The following CSTPP1 variants were observed in gnomAD, a reference collection of about 807,000 sequenced individuals.
The protein encoded by CSTPP1 is centriolar satellite-associated tubulin polyglutamylase complex regulator 1.
the CSTPP1 span, among the ~76,000 whole-genome samples, chr11:47,122,914 C>A: frequency 2.0e-4 from 31 of 152,198 alleles, no homozygotes; most frequent in Admixed American, 2.0e-3. Context: ...TGCAAGAAAG[C>A]ACATATCATC....
chr11:47,128,290 C>G, the CSTPP1 span, among the ~76,000 whole-genome samples: 1 of 152,172 alleles, frequency 6.6e-6, no homozygotes, highest in Admixed American at 6.5e-5. Flanking sequence ...CTTTCCTCGA[C>G]TTCTCGTCTG....
chr11:47,089,489 A>G, the CSTPP1 span, among the ~76,000 whole-genome samples: 2 of 152,212 alleles, frequency 1.3e-5, no homozygotes, highest in South Asian at 2.1e-4. Flanking sequence ...GTCACACCTT[A>G]AACTTGTTAA....
chr11:47,083,173 T>C, the CSTPP1 span, among the ~76,000 whole-genome samples: 2 of 152,200 alleles, frequency 1.3e-5, no homozygotes, highest in Non-Finnish European at 2.9e-5. Flanking sequence ...CTGAGGATAA[T>C]GGCTTCCAGC....
chr11:46,999,354 G>A, the CSTPP1 span, among the ~76,000 whole-genome samples: 1 of 152,030 alleles, frequency 6.6e-6, no homozygotes, highest in Non-Finnish European at 1.5e-5. Context: ...GGAGGAAGTG[G>A]ATGCTCAGAA....
At chr11:47,090,586 G>A in the CSTPP1 span, among the ~76,000 whole-genome samples, 1 of 152,112 alleles carries the variant, frequency 6.6e-6, no homozygotes, top group Non-Finnish European at 1.5e-5. Context: ...GCATCATGGG[G>A]GCTGCACAGC....
At chr11:47,133,007 T>C in the CSTPP1 span, among the ~76,000 whole-genome samples, 1 of 152,194 alleles carries the variant, frequency 6.6e-6, no homozygotes, top group Non-Finnish European at 1.5e-5. Flanking sequence ...CACTTTACAT[T>C]AACTCATAAC....
the CSTPP1 span, among the ~76,000 whole-genome samples, chr11:47,064,000 A>G: frequency 2.6e-5 from 4 of 151,974 alleles, no homozygotes; most frequent in Admixed American, 6.6e-5. Context: ...GCTATTTTCT[A>G]TTTTTCTGAT....
the CSTPP1 span, among the ~76,000 whole-genome samples, chr11:47,080,039 T>C: frequency 5.9e-5 from 9 of 152,040 alleles, no homozygotes; most frequent in Non-Finnish European, 8.8e-5. Flanking sequence ...AAGGTTGCAG[T>C]GAGCCAAGGT....
chr11:47,041,139 A>AT, the CSTPP1 span: 2 of 195,536 alleles, frequency 1.0e-5, no homozygotes, highest in African/African-American at 4.6e-5. Context: ...AAAAGTCTTT[A>AT]TAAGTGTTCT....
At chr11:47,081,866 G>A in the CSTPP1 span, among the ~76,000 whole-genome samples, 5 of 151,444 alleles carry the variant, frequency 3.3e-5, no homozygotes, top group African/African-American at 1.2e-4. Context: ...CGAGGTGGGA[G>A]GATTGCTTGA....
the CSTPP1 span, among the ~76,000 whole-genome samples, chr11:47,070,387 C>T: frequency 7.0e-4 from 106 of 152,178 alleles, 1 homozygote; most frequent in African/African-American, 2.5e-3. Flanking sequence ...CCACTGATAC[C>T]GCCTGACCCT....
At chr11:47,102,176 G>A in the CSTPP1 span, among the ~76,000 whole-genome samples, 3 of 152,032 alleles carry the variant, frequency 2.0e-5, no homozygotes, top group Non-Finnish European at 4.4e-5. Context: ...CTAATCTACT[G>A]CCAAAAAGTA....
the CSTPP1 span, among the ~76,000 whole-genome samples, chr11:46,952,402 C>T: frequency 4.6e-5 from 7 of 152,208 alleles, no homozygotes; most frequent in Non-Finnish European, 7.3e-5. Context: ...TAACTGCCAA[C>T]GAGGCAGGGA....
the CSTPP1 span, among the ~76,000 whole-genome samples, chr11:47,086,001 A>G: frequency 7.9e-5 from 12 of 151,954 alleles, no homozygotes; most frequent in Admixed American, 1.3e-4. Context: ...TAGAAATTTC[A>G]GAAGATTAGA....
the CSTPP1 span, among the ~76,000 whole-genome samples, chr11:47,136,906 T>G: frequency 6.6e-6 from 1 of 152,216 alleles, no homozygotes; most frequent in African/African-American, 2.4e-5. Flanking sequence ...TTCTTCTCCC[T>G]CAGGATCCTA....
At chr11:47,101,198 T>TTTTTTTTTTTG in the CSTPP1 span, among the ~76,000 whole-genome samples, 3 of 138,520 alleles carry the variant, frequency 2.2e-5, no homozygotes, top group Admixed American at 7.3e-5. Context: ...TTATTTTATT[T>TTTTTTTTTTTG]TTAGTAGAGA....
the CSTPP1 span, among the ~76,000 whole-genome samples, chr11:47,036,699 C>T: frequency 6.3e-5 from 8 of 126,500 alleles, 2 homozygotes; most frequent in South Asian, 2.5e-4. Flanking sequence ...TTGTTTGAGA[C>T]GCAGTCTCTT....
the CSTPP1 span, among the ~76,000 whole-genome samples, chr11:46,971,559 A>G: frequency 7.0e-4 from 107 of 152,390 alleles, no homozygotes; most frequent in African/African-American, 2.4e-3. Context: ...TAGCCACATT[A>G]TTTTAAGCAG....
chr11:46,981,908 A>G, the CSTPP1 span, among the ~76,000 whole-genome samples: 1 of 152,148 alleles, frequency 6.6e-6, no homozygotes. Context: ...AATGTTTCAC[A>G]AGAACACACT....
Sources: gnomAD v4.1 joint callset for allele counts (sites outside exome capture counted in the v4.1 genomes callset) on GRCh38, gnomAD v4.1.1 for gene constraint, MANE v1.5 for transcripts, NCBI Gene and HGNC (gene_info 2026-07-23, HGNC 2026-07-21) for gene names.